PRKN: variants seen among roughly 807,000 people sequenced by gnomAD.
The protein encoded by PRKN is parkin RBR E3 ubiquitin protein ligase, also known as E3 ubiquitin-protein ligase parkin.
In PRKN, 56 loss-of-function variants were observed where a neutral mutation model predicts 59.5. The ratio of observed to expected loss-of-function variants is 0.94; its 90% CI spans 0.76 to 1.18. PRKN has a LOEUF of 1.18. PRKN is among the 50% of genes most tolerant of loss of function. PRKN has a pLI of 0.00. For synonymous variants in PRKN, 250 were observed against 222.1 expected (o/e 1.13, Z -1.12); for missense variants, 657 against 596.4 (o/e 1.10, Z -1.06).
intron 2 of PRKN, among the ~76,000 whole-genome samples, chr6:162,348,401 A>AT (rs562755745): frequency 1.5e-3 from 233 of 152,302 alleles, no homozygotes; most frequent in African/African-American, 5.4e-3. Context: ...TCCACAAAGC[A>AT]TAAGTCACAA....
rs370573560 is a variant in PRKN at position 162,021,145 on chromosome 6, T to C, written c.618+32946A>G. 4.3e-3 allele frequency among the ~76,000 whole-genome samples: 37 copies of C among 8,702 alleles called. 5 individuals are homozygous for C. The highest frequency in any genetic ancestry group is 5.1e-3 in the Admixed American group (3 of 592). 5.7% of individuals were successfully genotyped at this position (8,702 alleles called of 152,430 possible). On this transcript the variant is annotated intron_variant, in intron 5 of 11. Transcript: ENST00000366898. ...ATATATATATATATATATATATATA[T>C]ATATATATATATATATATATAAAAT...
At position 161,390,677 on chromosome 6, in the gene PRKN, C is replaced by T. The variant is rs1247457609; in HGVS notation, c.1084-3800G>A. Among the ~76,000 whole-genome samples, 5 of 151,918 alleles carry T rather than the reference C, an allele frequency of 3.3e-5. No individual in the cohort carries two copies. The highest frequency in any genetic ancestry group is 2.9e-5 in the Non-Finnish European group (2 of 68,000). ...CTAATTTTTGTATTTTTAGTAAAGA[C>T]GGGATTTCACCATGTTGGTCAGGCT... On this transcript the variant is annotated intron_variant, in intron 9 of 11. Transcript: ENST00000366898. The surrounding 1 kb of genome is among the most constrained non-coding windows in gnomAD (Gnocchi z 7.0).
chr6:161,364,193 G>C (rs1158937756), intron 10 of PRKN, among the ~76,000 whole-genome samples: 1 of 133,104 alleles, frequency 7.5e-6, no homozygotes, highest in Non-Finnish European at 1.6e-5. Context: ...AAAAAGAAAA[G>C]AAAACAAACA....
At chr6:162,710,414 C>CA (rs1554264175) in intron 1 of PRKN, among the ~76,000 whole-genome samples, 152 of 150,100 alleles carry the variant, frequency 1.0e-3, no homozygotes, top group East Asian at 9.8e-3. Flanking sequence ...CACACACACA[C>CA]AACTGTTTGG....
intron 9 of PRKN, among the ~76,000 whole-genome samples, chr6:161,392,325 A>C (rs1241944403): frequency 1.3e-5 from 2 of 151,874 alleles, no homozygotes; most frequent in Non-Finnish European, 2.9e-5. Flanking sequence ...CGGAGGTTGC[A>C]GTGAGCCAAG....
In PRKN at chr6:162,569,803, C is replaced by A. The variant is rs534933889; in HGVS notation, c.8-126330G>T. ...GCCTGGGAGGGAGGCTGCTGTGCAG[C>A]GGAGCACAGGGAATGGGAGACCCAC... On this transcript the variant is annotated intron_variant, in intron 1 of 11. Transcript: ENST00000366898. The A allele has an allele frequency of 1.1e-4, 52 of 465,776 alleles. No homozygotes were observed. In the Admixed American group the frequency reaches 1.4e-3, roughly 12 times the overall value. The allele number at this position is 465,776 out of a possible 1,614,324, so 28.9% of individuals were successfully genotyped here. A position where few individuals can be genotyped will look rare whatever the true frequency, so the allele number is the denominator to read the frequency against.
intron 3 of PRKN, among the ~76,000 whole-genome samples, chr6:162,219,064 C>T (rs1408574550): frequency 6.6e-6 from 1 of 152,076 alleles, no homozygotes; most frequent in South Asian, 2.1e-4. Context: ...GTGGCATGCA[C>T]CTGTACTCCC....
chr6:162,086,160 G>C (rs566674554), intron 4 of PRKN, among the ~76,000 whole-genome samples: 1 of 152,230 alleles, frequency 6.6e-6, no homozygotes, highest in African/African-American at 2.4e-5. Flanking sequence ...ATTAACAAAT[G>C]ATTCTTTAGG....
rs1208256515 is a variant in PRKN at position 161,385,757 on chromosome 6, C to A, written c.1167+1037G>T. Among the ~76,000 whole-genome samples the A allele has an allele frequency of 2.6e-5, 4 of 152,126 alleles. No homozygotes were observed. Among genetic ancestry groups the A allele is most frequent in the African/African-American group, 9.7e-5 (4 of 41,420 alleles). On this transcript the variant is annotated intron_variant, in intron 10 of 11. Transcript: ENST00000366898. This position sits in a 1 kb window ranked among gnomAD's most constrained non-coding sequence, Gnocchi z 4.9. Reference sequence around the variant, plus strand: ...GCCATTATTGCTTTTGCTGTCAGTACCTGGTAAGCTCGCGTTTGAATGTCC... The same window carrying A: ...GCCATTATTGCTTTTGCTGTCAGTAACTGGTAAGCTCGCGTTTGAATGTCC...
chr6:162,244,737 C>T (rs909329757), intron 3 of PRKN, among the ~76,000 whole-genome samples: 1 of 152,022 alleles, frequency 6.6e-6, no homozygotes, highest in Non-Finnish European at 1.5e-5. Flanking sequence ...GTTGATTCTT[C>T]CAAATCATGA....
intron 7 of PRKN, among the ~76,000 whole-genome samples, chr6:161,678,719 C>T (rs1206992893): frequency 1.3e-5 from 2 of 151,922 alleles, no homozygotes; most frequent in African/African-American, 4.8e-5. Flanking sequence ...TGTGCACCAC[C>T]ATGCCTGGCT....
chr6:162,325,643 C>G (rs1019550858), intron 2 of PRKN, among the ~76,000 whole-genome samples: 3 of 152,248 alleles, frequency 2.0e-5, no homozygotes, highest in South Asian at 2.1e-4. Flanking sequence ...CTCAGCCCAA[C>G]AAGCTTCCTG....
intron 7 of PRKN, among the ~76,000 whole-genome samples, chr6:161,625,729 A>C (rs896531784): frequency 6.6e-6 from 1 of 152,176 alleles, no homozygotes; most frequent in African/African-American, 2.4e-5. Context: ...CCATGCAATC[A>C]TGTGCACAAA....
chr6:162,374,280 G>A (rs2128138140), intron 2 of PRKN, among the ~76,000 whole-genome samples: 1 of 152,138 alleles, frequency 6.6e-6, no homozygotes, highest in South Asian at 2.1e-4. Flanking sequence ...AGTGGGTTTT[G>A]TAAAGTGAAA....
intron 1 of PRKN, among the ~76,000 whole-genome samples, chr6:162,576,155 ATCCTGATTTCCAGTT>A (rs1434671295): frequency 6.6e-6 from 1 of 152,126 alleles, no homozygotes; most frequent in Non-Finnish European, 1.5e-5. Flanking sequence ...CAGAAACCAT[ATCCTGATTTCCAGTT>A]TCCTGTCTAC....
intron 1 of PRKN, among the ~76,000 whole-genome samples, chr6:162,488,027 CTTTTTTTTTTTTTT>C (rs752587530): frequency 9.1e-6 from 1 of 109,772 alleles, no homozygotes; most frequent in Non-Finnish European, 1.9e-5. Flanking sequence ...CACCATTTCC[CTTTTTTTTTTTTTT>C]TTTTTTTTTT....
At chr6:161,733,713 G>A (rs1787815585) in intron 7 of PRKN, among the ~76,000 whole-genome samples, 2 of 148,844 alleles carry the variant, frequency 1.3e-5, no homozygotes, top group Non-Finnish European at 3.0e-5. Flanking sequence ...ATAGTGACTT[G>A]GGGTCAGTGG....
intron 7 of PRKN, among the ~76,000 whole-genome samples, chr6:161,735,434 A>G (rs1787922959): frequency 6.6e-6 from 1 of 152,192 alleles, no homozygotes; most frequent in Admixed American, 6.5e-5. Context: ...GGATATTTAT[A>G]TAATACAAAT....
At chr6:161,672,852 T>A (rs1159436224) in intron 7 of PRKN, among the ~76,000 whole-genome samples, 1 of 152,196 alleles carries the variant, frequency 6.6e-6, no homozygotes, top group Non-Finnish European at 1.5e-5. Flanking sequence ...GCAATTTATT[T>A]CACAAGAACT....
Sources: allele counts gnomAD v4.1 joint callset (sites outside exome capture counted in the v4.1 genomes callset), GRCh38; gene constraint gnomAD v4.1.1; non-coding constraint Gnocchi (gnomAD v3.1); transcripts MANE v1.5; gene names NCBI Gene and HGNC (gene_info 2026-07-23, HGNC 2026-07-21).